The following EPHA4 variants were observed in gnomAD, a reference collection of about 807,000 sequenced individuals.
The protein encoded by EPHA4 is ephrin type-A receptor 4.
A neutral mutation model predicts 108.3 loss-of-function variants in EPHA4; 19 were observed. The ratio of observed to expected loss-of-function variants is 0.18; its 90% confidence interval spans 0.12 to 0.26. The LOEUF (loss-of-function observed/expected upper bound fraction) is 0.26. EPHA4 is among the 10% of genes least tolerant of loss of function. The probability of loss-of-function intolerance (pLI) is 1.00; values close to 1 mark genes in which losing one functional copy is unlikely to be tolerated. For missense variants in EPHA4, 917 were observed against 1,254.0 expected (o/e 0.73, Z 4.06); for synonymous variants, 449 against 455.5 (o/e 0.99, Z 0.18).
Position 221,564,007 on chromosome 2 carries a change from G to T in EPHA4, c.547C>A (p.Leu183Met). The T allele has an allele frequency of 6.2e-7, 1 of 1,613,998 alleles. No homozygotes were observed. The highest frequency in any genetic ancestry group is 8.5e-7 in the Non-Finnish European group (1 of 1,180,008). Residue 183 changes from leucine to methionine, a missense_variant, in exon 3 of 18, where the codon CTG becomes ATG. Leu to Met is a conservative substitution (Grantham distance 15). Around this residue, in one of 3 missense-constraint regions of EPHA4, gnomAD observed 758 missense variants for 1,076.7 expected, o/e 0.70. Coordinates refer to ENST00000281821, the MANE Select transcript of EPHA4 (RefSeq NM_004438.5). ...CAGGCCCCCACATCCTGAAAAGCCA[G>T]GTAAAACCCCTTTTTGCTTAATGGC... ...VGPLSKKGFYLAFQDVGACIA... is the reference protein window; with the variant it reads ...VGPLSKKGFYMAFQDVGACIA...
At chr2:221,555,386 C>T (rs1029188031) in intron 3 of EPHA4, among the ~76,000 whole-genome samples, 1 of 152,054 alleles carries the variant, frequency 6.6e-6, no homozygotes, top group Non-Finnish European at 1.5e-5. Context: ...TGCATGAGGA[C>T]GAATACAGAA....
intron 11 of EPHA4, among the ~76,000 whole-genome samples, chr2:221,441,197 CTTTTTTTTTT>C (rs201795751): frequency 1.5e-5 from 2 of 132,100 alleles, no homozygotes; most frequent in Non-Finnish European, 3.2e-5. Flanking sequence ...CTTTTCTTTT[CTTTTTTTTTT>C]TTTTTTTAAG....
intron 15 of EPHA4, 59 bp downstream of exon 15, chr2:221,429,899 C>T: frequency 6.3e-7 from 1 of 1,583,334 alleles, no homozygotes; most frequent in African/African-American, 1.4e-5. Context: ...TGAGTCACCA[C>T]TTGCCTGCCT....
At chr2:221,503,788 A>G (rs1159472119) in intron 3 of EPHA4, among the ~76,000 whole-genome samples, 1 of 152,190 alleles carries the variant, frequency 6.6e-6, no homozygotes, top group East Asian at 1.9e-4. Flanking sequence ...CATTAAGACC[A>G]TGTTATTAAT....
chr2:221,565,506 T>A (rs971134549), intron 2 of EPHA4, among the ~76,000 whole-genome samples: 30 of 152,278 alleles, frequency 2.0e-4, no homozygotes, highest in African/African-American at 5.1e-4. Context: ...ATAGTTTTTT[T>A]AAAAAATTGT....
intron 5 of EPHA4, among the ~76,000 whole-genome samples, chr2:221,477,817 T>C (rs963371096): frequency 9.9e-5 from 15 of 152,136 alleles, no homozygotes; most frequent in South Asian, 4.1e-4. Context: ...CTTAGAATCA[T>C]AGAATTTTGA....
At chr2:221,443,780 T>C (rs80348792) in intron 9 of EPHA4, among the ~76,000 whole-genome samples, 174 bp from the exon 10 acceptor site, 2,531 of 152,294 alleles carry the variant, frequency 0.017, 68 homozygotes, top group African/African-American at 0.058. Context: ...AAACAAAATA[T>C]TGTTAGCTAC....
chr2:221,530,818 A>C (rs1242937679), intron 3 of EPHA4, among the ~76,000 whole-genome samples: 1 of 152,092 alleles, frequency 6.6e-6, no homozygotes, highest in Non-Finnish European at 1.5e-5. Context: ...CAGTCCAAAA[A>C]TCAGCACCTC....
intron 4 of EPHA4, among the ~76,000 whole-genome samples, chr2:221,491,161 T>A: frequency 6.6e-6 from 1 of 152,156 alleles, no homozygotes; most frequent in East Asian, 1.9e-4. Context: ...TAATTAGGGG[T>A]TTGGTTTCTT....
chr2:221,573,777 C>CAG (rs1377080705), upstream of EPHA4: 1 of 152,226 alleles, frequency 6.6e-6, no homozygotes, highest in Non-Finnish European at 1.5e-5. This position sits in a 1 kb window ranked among gnomAD's most constrained non-coding sequence, Gnocchi z 4.5. Context: ...CGCAACCCCG[C>CAG]AGAGAGGTGG....
rs778250722 is a variant in EPHA4, at chr2:221,426,566, G to A, written c.2744C>T (p.Ser915Leu). ...PSSPEFSAVV[S>L]VGDWLQAIKM... is the part of the protein sequence containing the mutation. ...AATGGCCTGGAGCCAATCGCCCACT[G>A]ATACCACAGCAGAGAATTCAGGGGA... Residue 915 changes from serine to leucine, a missense_variant, in exon 16 of 18, where the codon TCA becomes TTA. Coordinates refer to ENST00000281821, the MANE Select transcript of EPHA4 (RefSeq NM_004438.5). 3 of 1,614,038 alleles carry A rather than the reference G, an allele frequency of 1.9e-6. No homozygotes were observed. The highest frequency in any genetic ancestry group is 2.2e-5 in the East Asian group (1 of 44,866).
chr2:221,441,197 C>CTTTTTT (rs201795751), intron 11 of EPHA4, among the ~76,000 whole-genome samples: 4 of 132,086 alleles, frequency 3.0e-5, no homozygotes, highest in Admixed American at 7.6e-5. Flanking sequence ...CTTTTCTTTT[C>CTTTTTT]TTTTTTTTTT....
In EPHA4 at chr2:221,425,863, A is replaced by G. The variant is rs920282138; in HGVS notation, c.*165T>C. ...CGGCAGTCATTTCTGTAAGCCCCACAGTTTCAGCAATCTGTGCACCAAGCA... is the reference window on the plus strand; with the variant it reads ...CGGCAGTCATTTCTGTAAGCCCCACGGTTTCAGCAATCTGTGCACCAAGCA... On this transcript the variant is annotated 3_prime_UTR_variant, in exon 17 of 18. Transcript: ENST00000281821. 4 of 632,262 alleles carry G rather than the reference A, an allele frequency of 6.3e-6. No homozygotes were observed. Among genetic ancestry groups the G allele is most frequent in the African/African-American group, 1.8e-5 (1 of 54,602 alleles). 39.2% of individuals were successfully genotyped at this position (632,262 alleles called of 1,614,324 possible).
At position 221,443,482 on chromosome 2, in the gene EPHA4, C is replaced by A; in HGVS notation, c.1888+11G>T. 1 of 1,601,232 alleles carries A rather than the reference C, an allele frequency of 6.2e-7. No individual in the cohort carries two copies. Among genetic ancestry groups the A allele is most frequent in the South Asian group, 1.1e-5 (1 of 90,656 alleles). The stretch of plus-strand genomic sequence containing the variant: ...ACAGACTCATTAGCAGACGGACACT[C>A]AGACACTTACCAACTCCTATAACTT... On this transcript the variant is annotated intron_variant, in intron 10 of 17. Transcript: ENST00000281821.
At position 221,501,074 on chromosome 2, in the gene EPHA4, T is replaced by A. The variant is rs768017972; in HGVS notation, c.922A>T (p.Thr308Ser). Residue 308 changes from threonine to serine, a missense_variant, in exon 4 of 18, where the codon ACC becomes TCC. Coordinates refer to ENST00000281821, the MANE Select transcript of EPHA4 (RefSeq NM_004438.5). ...YSVWEGATSCTCDRGFFRADN... is the reference protein window; with the variant it reads ...YSVWEGATSCSCDRGFFRADN... ...GCTCTGAAAAAGCCTCGGTCACAGGTGCACGAGGTGGCTCCTTCCCAGACA... is the reference window on the plus strand; with the variant it reads ...GCTCTGAAAAAGCCTCGGTCACAGGAGCACGAGGTGGCTCCTTCCCAGACA... 6.2e-7 allele frequency: 1 copy of A among 1,613,480 alleles called. No homozygotes were observed. The highest frequency in any genetic ancestry group is 8.5e-7 in the Non-Finnish European group (1 of 1,179,672).
intron 3 of EPHA4, among the ~76,000 whole-genome samples, chr2:221,527,937 C>T (rs1418191604): frequency 6.6e-6 from 1 of 152,094 alleles, no homozygotes; most frequent in Non-Finnish European, 1.5e-5. Context: ...ATTTCTGAGG[C>T]TCATGAGCAG....
At chr2:221,421,950 C>G (rs982619430) in intron 17 of EPHA4, 2 of 151,850 alleles carry the variant, frequency 1.3e-5, no homozygotes, top group African/African-American at 4.8e-5. Context: ...AGAGAGAAAT[C>G]GTTTTCTGGC....
chr2:221,437,699 G>T (rs1690285983), intron 11 of EPHA4, among the ~76,000 whole-genome samples: 1 of 150,962 alleles, frequency 6.6e-6, no homozygotes, highest in Non-Finnish European at 1.5e-5. Context: ...ATTGCCTCAG[G>T]TCAGGAGTTC....
At position 221,418,364 on chromosome 2, in the gene EPHA4, T is replaced by A. The variant is rs1207399318; in HGVS notation, c.*3008A>T. 1.3e-5 allele frequency: 2 copies of A among 152,628 alleles called. No individual in the cohort carries two copies. The highest frequency in any genetic ancestry group is 2.4e-5 in the African/African-American group (1 of 41,450). The allele number at this position is 152,628 out of a possible 1,614,324, so 9.5% of individuals were successfully genotyped here. A position where few individuals can be genotyped will look rare whatever the true frequency, so the allele number is the denominator to read the frequency against. ...GCATATTCCAACATACTTAGAGTGA[T>A]ACAAAAAATAAACGCACTCTTCAGT... On this transcript the variant is annotated 3_prime_UTR_variant, in exon 18 of 18. Transcript: ENST00000281821.
Sources: allele counts gnomAD v4.1 joint callset (sites outside exome capture counted in the v4.1 genomes callset), GRCh38; gene constraint gnomAD v4.1.1; regional missense constraint gnomAD v4.1.1; non-coding constraint Gnocchi (gnomAD v3.1); transcripts MANE v1.5; gene names NCBI Gene and HGNC (gene_info 2026-07-23, HGNC 2026-07-21).